Variants in VPS13D observed in about 807,000 individuals in gnomAD.
VPS13D encodes the protein intermembrane lipid transfer protein VPS13D.
VPS13D carries 187 observed loss-of-function variants against 461.9 expected under a neutral mutation model. That is an observed-to-expected ratio of 0.40 (90% CI 0.36 to 0.46). VPS13D has a LOEUF of 0.46. VPS13D is among the 20% of genes least tolerant of loss of function. VPS13D has a pLI of 0.60. For synonymous variants in VPS13D, 1,951 were observed against 1,986.3 expected (o/e 0.98, Z 0.47); for missense variants, 4,711 against 5,364.9 (o/e 0.88, Z 3.81).
chr1:12,373,236 T>C (rs1644149948), intron 54 of VPS13D, among the ~76,000 whole-genome samples: 1 of 150,230 alleles, frequency 6.7e-6, no homozygotes, highest in African/African-American at 2.4e-5. Flanking sequence ...TTCTCATACC[T>C]CTGCCTCGTG....
chr1:12,381,950 C>CT (rs1186394756), intron 57 of VPS13D, among the ~76,000 whole-genome samples: 1 of 134,170 alleles, frequency 7.5e-6, no homozygotes, highest in Non-Finnish European at 1.6e-5. Context: ...TTCTTTCTTT[C>CT]TTTCTTTCTT....
At position 12,293,570 on chromosome 1, in the gene VPS13D, G is replaced by A. The variant is rs1167795915; in HGVS notation, c.5899G>A (p.Val1967Met). 3 of 1,613,922 alleles carry A rather than the reference G, an allele frequency of 1.9e-6. No homozygotes were observed. The highest frequency in any genetic ancestry group is 2.5e-6 in the Non-Finnish European group (3 of 1,179,892). Residue 1967 changes from valine (V) to methionine (M), a missense_variant, in exon 24 of 70, where the codon GTG (valine) becomes ATG (methionine). Val to Met is a conservative substitution (Grantham distance 21). Transcript: ENST00000620676. ...PLLRREHDIR[V>M]SLRMASVQYV... ...GCTCCGGAGAGAACACGACATTCGC[G>A]TGAGCCTCCGGATGGCCTCTGTGCA...
In VPS13D at chr1:12,495,677, A is replaced by C. The variant is rs1422445113; in HGVS notation, c.12663-1823A>C. 6.6e-6 allele frequency among the ~76,000 whole-genome samples: 1 copy of C among 152,206 alleles called. No individual in the cohort carries two copies. Among genetic ancestry groups the C allele is most frequent in the African/African-American group, 2.4e-5 (1 of 41,430 alleles). The stretch of plus-strand genomic sequence containing the variant: ...TGATTGGGGAAGATATGTTGAGACG[A>C]GTCTGAATCAAACCTTACGTTGAAA... On this transcript the variant is annotated intron_variant, in intron 67 of 69. Coordinates refer to ENST00000620676, the MANE Select transcript of VPS13D (RefSeq NM_015378.4). The surrounding 1 kb of genome is among the most constrained non-coding windows in gnomAD (Gnocchi z 4.0).
chr1:12,383,035 T>G lies in VPS13D; in HGVS notation c.11250T>G (p.Thr3750=), dbSNP rs1460679999. Reference sequence around the variant, plus strand: ...CTGAAGTTGTTCTTGGTCCTGACACTTCCATGGAGCTTTTGGGGCCAGTTC... The same window carrying G: ...CTGAAGTTGTTCTTGGTCCTGACACGTCCATGGAGCTTTTGGGGCCAGTTC... ...DGAEVVLGPD[T]SMELLGPVPP... Residue 3750 remains threonine (T), a synonymous_variant, in exon 58 of 70, where the codon ACT becomes ACG. Coordinates refer to ENST00000620676, the MANE Select transcript of VPS13D (RefSeq NM_015378.4). 2 of 1,614,188 alleles carry G rather than the reference T, an allele frequency of 1.2e-6. No homozygotes were observed. Among genetic ancestry groups the G allele is most frequent in the East Asian group, 4.5e-5 (2 of 44,884 alleles).
intron 65 of VPS13D, among the ~76,000 whole-genome samples, chr1:12,443,207 G>A: frequency 6.6e-6 from 1 of 152,154 alleles, no homozygotes; most frequent in Non-Finnish European, 1.5e-5. Flanking sequence ...AATTCTGCCT[G>A]TTTTTAACTC....
intron 67 of VPS13D, among the ~76,000 whole-genome samples, chr1:12,463,171 G>A (rs913847366): frequency 2.0e-5 from 3 of 152,164 alleles, no homozygotes; most frequent in Non-Finnish European, 2.9e-5. Context: ...TGATCATTGA[G>A]GCACAGCCGG....
chr1:12,449,390 G>C (rs1330559256), intron 65 of VPS13D, among the ~76,000 whole-genome samples: 1 of 150,302 alleles, frequency 6.7e-6, no homozygotes, highest in South Asian at 2.1e-4. Context: ...AACTTGTTCC[G>C]TGCCTTTTTT....
intron 65 of VPS13D, among the ~76,000 whole-genome samples, chr1:12,426,062 C>A (rs1467540274): frequency 6.6e-6 from 1 of 152,194 alleles, no homozygotes; most frequent in African/African-American, 2.4e-5. Context: ...CCGAATTAAT[C>A]TTTACTATCT....
At chr1:12,307,706 G>A (rs1254743824) in intron 26 of VPS13D, among the ~76,000 whole-genome samples, 1 of 152,060 alleles carries the variant, frequency 6.6e-6, no homozygotes, top group Non-Finnish European at 1.5e-5. Flanking sequence ...TGGCCAGGCT[G>A]GTCTTGAACT....
At position 12,508,356 on chromosome 1, in the gene VPS13D, G is replaced by T. The variant is rs181502427; in HGVS notation, c.13036-537G>T. On this transcript the variant is annotated intron_variant, in intron 69 of 69. Coordinates refer to ENST00000620676, the MANE Select transcript of VPS13D (RefSeq NM_015378.4). ...CTCTGCAGATCAGTTATGGCCGTGG[G>T]GGGGAGTTCCCAAATGTCAGGTGAG... Among the ~76,000 whole-genome samples the T allele has an allele frequency of 1.2e-3, 182 of 152,198 alleles. 1 individual carries two copies. The highest frequency in any genetic ancestry group is 4.1e-3 in the African/African-American group (172 of 41,536).
At chr1:12,450,006 TC>T (rs905586362) in intron 65 of VPS13D, among the ~76,000 whole-genome samples, 3 of 151,996 alleles carry the variant, frequency 2.0e-5, no homozygotes, top group African/African-American at 7.2e-5. Context: ...ACAACTGTAA[TC>T]CCTGCTACGG....
At chr1:12,471,921 GAAAA>G (rs113476726) in intron 67 of VPS13D, among the ~76,000 whole-genome samples, 7 of 148,604 alleles carry the variant, frequency 4.7e-5, no homozygotes, top group Non-Finnish European at 9.0e-5. Context: ...CTTTAAAAAA[GAAAA>G]AAAAAATTTT....
intron 65 of VPS13D, among the ~76,000 whole-genome samples, chr1:12,426,768 G>C (rs987107330): frequency 1.3e-5 from 2 of 152,134 alleles, no homozygotes; most frequent in Non-Finnish European, 2.9e-5. Flanking sequence ...TGCAATCCCA[G>C]CACCTTGGGA....
At chr1:12,458,583 T>C (rs2100408332) in intron 66 of VPS13D, among the ~76,000 whole-genome samples, 1 of 152,104 alleles carries the variant, frequency 6.6e-6, no homozygotes, top group South Asian at 2.1e-4. Flanking sequence ...AAAAAAAAGT[T>C]TGGGAAAGAG....
chr1:12,348,989 C>T lies in VPS13D; in HGVS notation c.9220+16C>T. ...GCTCCAGACAGTATGTTTTGATTGT[C>T]TAGCATATAGTAAATGCTGATAAAT... On this transcript the variant is annotated intron_variant, in intron 45 of 69. Transcript: ENST00000620676. The T allele has an allele frequency of 6.2e-7, 1 of 1,614,148 alleles. No homozygotes were observed. The highest frequency in any genetic ancestry group is 8.5e-7 in the Non-Finnish European group (1 of 1,180,012).
intron 21 of VPS13D, among the ~76,000 whole-genome samples, chr1:12,284,998 G>A (rs1023060005): frequency 6.6e-6 from 1 of 152,290 alleles, no homozygotes; most frequent in South Asian, 2.1e-4. Context: ...GTGATGATCT[G>A]CGTCAGGAAC....
chr1:12,325,991 A>G (rs1215226630), intron 35 of VPS13D, among the ~76,000 whole-genome samples: 1 of 138,078 alleles, frequency 7.2e-6, no homozygotes, highest in Non-Finnish European at 1.6e-5. Context: ...TTTTTTTTTA[A>G]TTTTTCTTTT....
At chr1:12,267,189 C>T (rs1438761988) in intron 14 of VPS13D, among the ~76,000 whole-genome samples, 178 bp downstream of exon 14, 6 of 152,116 alleles carry the variant, frequency 3.9e-5, no homozygotes, top group Admixed American at 3.9e-4. Flanking sequence ...ATGGCTATGC[C>T]TTCTTGCACT....
intron 2 of VPS13D, among the ~76,000 whole-genome samples, chr1:12,240,911 C>G (rs1414074228): frequency 6.6e-6 from 1 of 151,908 alleles, no homozygotes; most frequent in Non-Finnish European, 1.5e-5. Context: ...CGCCAAGTTG[C>G]TAGATTTGAA....
Sources: allele counts gnomAD v4.1 joint callset (sites outside exome capture counted in the v4.1 genomes callset), GRCh38; gene constraint gnomAD v4.1.1; non-coding constraint Gnocchi (gnomAD v3.1); transcripts MANE v1.5; gene names NCBI Gene and HGNC (gene_info 2026-07-23, HGNC 2026-07-21).